The following TEKT4 variants were observed in gnomAD, a reference collection of about 807,000 sequenced individuals.
The protein encoded by TEKT4 is tektin 4.
In TEKT4, 46 loss-of-function variants were observed where a neutral mutation model predicts 46.0. That is an observed-to-expected ratio of 1.00 (90% confidence interval 0.79 to 1.28). The LOEUF is 1.28. TEKT4 is among the 50% of genes most tolerant of loss of function. The pLI, the probability that TEKT4 is intolerant of heterozygous loss-of-function variation, is 0.00. For synonymous variants in TEKT4, 325 were observed against 265.8 expected, an observed-to-expected ratio of 1.22 and a Z score of -2.17; for missense variants, 790 against 622.9, an observed-to-expected ratio of 1.27 and a Z score of -2.85.
In TEKT4 at chr2:94,875,593, G is replaced by T. The variant is rs782040551; in HGVS notation, c.942G>T (p.Leu314=). The part of the protein sequence containing the change: ...YKLHHHLHKT[L]REITDQEHNV... Reference sequence around the variant, plus strand: ...GAGAACTGTCCTGTCTGCAGACACTGCGGGAAATCACAGATCAGGAACACA... The same window carrying T: ...GAGAACTGTCCTGTCTGCAGACACTTCGGGAAATCACAGATCAGGAACACA... Residue 314 remains leucine, a synonymous_variant, in exon 5 of 6, where the codon CTG becomes CTT. Transcript: ENST00000295201. 6.2e-7 allele frequency: 1 copy of T among 1,614,048 alleles called. No individual in the cohort carries two copies. Among genetic ancestry groups the T allele is most frequent in the African/African-American group, 1.3e-5 (1 of 74,942 alleles).
chr2:94,874,218 C>A (rs781839992), intron 3 of TEKT4, 110 bp downstream of exon 3: 1 of 1,243,688 alleles, frequency 8.0e-7, no homozygotes, highest in Non-Finnish European at 1.1e-6. Flanking sequence ...GCCCTCGCCC[C>A]CGAGGGCACT....
At chr2:94,875,225 G>A (rs1203688036) in intron 4 of TEKT4, among the ~76,000 whole-genome samples, 3 of 152,180 alleles carry the variant, frequency 2.0e-5, no homozygotes, top group South Asian at 2.1e-4. Context: ...GTGGTCTGGG[G>A]AACACTGACC....
chr2:94,875,436 C>T (rs562498837), intron 4 of TEKT4, 152 bp from the exon 5 acceptor site: 29 of 1,192,662 alleles, frequency 2.4e-5, no homozygotes, highest in Non-Finnish European at 3.1e-5. Context: ...GCCCCGTGCA[C>T]ATTGTTCCCC....
Position 94,872,769 on chromosome 2 carries a change from C to T in TEKT4, c.498+692C>T, listed in dbSNP as rs1253571988. The stretch of plus-strand genomic sequence containing the variant: ...AAGCTCAGGCAAGAACCCTTGAGTC[C>T]CTCCCTCCCCTCATGCCTTCCCTCC... On this transcript the variant is annotated intron_variant, in intron 1 of 5. Transcript: ENST00000295201. The T allele has an allele frequency of 4.8e-6, 6 of 1,244,842 alleles. No individual in the cohort carries two copies. In the African/African-American group the frequency reaches 7.7e-5, roughly 16 times the overall value. The allele number at this position is 1,244,842 out of a possible 1,614,324, so 77.1% of individuals were successfully genotyped here.
chr2:94,873,741 G>C, intron 2 of TEKT4, 151 bp downstream of exon 2: 1 of 1,266,966 alleles, frequency 7.9e-7, no homozygotes, highest in Non-Finnish European at 1.1e-6. Flanking sequence ...GGAGGTTCCG[G>C]CGCAGCCTGA....
chr2:94,875,029 C>T, intron 4 of TEKT4, 31 bp downstream of exon 4: 1 of 1,548,820 alleles, frequency 6.5e-7, no homozygotes, highest in Non-Finnish European at 8.7e-7. Flanking sequence ...AAGACGGCCC[C>T]CTCTCATCAC....
chr2:94,871,774 G>C lies in TEKT4; in HGVS notation c.195G>C (p.Gln65His). Reference sequence around the variant, plus strand: ...CCGACCGCGACCAGTCGGAGCGGCAGCGGCACGAGAGCCAGCAGCTGGCCA... The same window carrying C: ...CCGACCGCGACCAGTCGGAGCGGCACCGGCACGAGAGCCAGCAGCTGGCCA... ...AFADRDQSER[Q>H]RHESQQLATE... Residue 65 changes from glutamine to histidine, a missense_variant, in exon 1 of 6, where the codon CAG (glutamine) becomes CAC (histidine). Physicochemically the swap from Gln to His is conservative, Grantham distance 24. Transcript: ENST00000295201. 6.2e-7 allele frequency: 1 copy of C among 1,612,286 alleles called. No homozygotes were observed.
chr2:94,873,703 G>A (rs1326119022), intron 2 of TEKT4, 113 bp downstream of exon 2: 3 of 1,449,910 alleles, frequency 2.1e-6, no homozygotes, highest in African/African-American at 1.4e-5. Context: ...GCTGCCCCAG[G>A]TCACAGTGGA....
At chr2:94,872,348 G>A in intron 1 of TEKT4, 1 of 557,984 alleles carries the variant, frequency 1.8e-6, no homozygotes, top group Non-Finnish European at 3.2e-6. Flanking sequence ...GGCTCCCTGG[G>A]CTAAGCCACA....
At chr2:94,874,599 G>A (rs1356428115) in intron 3 of TEKT4, among the ~76,000 whole-genome samples, 177 bp from the exon 4 acceptor site, 6 of 151,926 alleles carry the variant, frequency 3.9e-5, no homozygotes, top group African/African-American at 1.5e-4. Flanking sequence ...GTGGCCAGGG[G>A]GCACTCGGGG....
chr2:94,874,758 C>A lies in TEKT4; in HGVS notation c.714-18C>A. 1 of 1,540,744 alleles carries A rather than the reference C, an allele frequency of 6.5e-7. No individual in the cohort carries two copies. The highest frequency in any genetic ancestry group is 2.4e-5 in the East Asian group (1 of 41,682). On this transcript the variant is annotated intron_variant, in intron 3 of 5. Coordinates refer to ENST00000295201, the MANE Select transcript of TEKT4 (RefSeq NM_144705.4). ...CAGAGCCTCCCCGACCCTCTCCTGG[C>A]TGTCCCCCGCCCCGCAGCGCCTCCA... is the stretch of plus-strand genomic sequence containing the variant.
At chr2:94,873,174 C>A (rs1458998719) in intron 1 of TEKT4, 46 of 1,239,870 alleles carry the variant, frequency 3.7e-5, no homozygotes, top group Non-Finnish European at 4.5e-5. Flanking sequence ...AGTTTGGGTC[C>A]TCAGGGGCTG....
intron 4 of TEKT4, among the ~76,000 whole-genome samples, chr2:94,875,237 C>T (rs72817667): frequency 6.6e-6 from 1 of 152,156 alleles, no homozygotes; most frequent in Admixed American, 6.5e-5. Flanking sequence ...ACACTGACCG[C>T]CCGGGAGGTC....
chr2:94,871,812 C>T lies in TEKT4; in HGVS notation c.233C>T (p.Ala78Val), dbSNP rs782314314. ...ESQQLATETQ[A>V]LAQRTQQDST... is the part of the protein sequence containing the mutation. ...CAGCAGCTGGCCACAGAGACCCAGG[C>T]GCTGGCGCAGCGCACGCAGCAAGAC... is the stretch of plus-strand genomic sequence containing the variant. Residue 78 changes from alanine (A) to valine (V), a missense_variant, in exon 1 of 6, where the codon GCG (alanine) becomes GTG (valine). By Grantham distance (64) the Ala-to-Val change is moderately conservative. Transcript: ENST00000295201. The T allele has an allele frequency of 1.9e-5, 30 of 1,609,180 alleles. No individual in the cohort carries two copies. The highest frequency in any genetic ancestry group is 5.0e-5 in the Admixed American group (3 of 59,806).
chr2:94,876,159 C>T (rs782789273), intron 5 of TEKT4, among the ~76,000 whole-genome samples: 5 of 152,206 alleles, frequency 3.3e-5, no homozygotes, highest in Admixed American at 6.5e-5. Context: ...ATAGATGTGC[C>T]GTCCTTTTGT....
intron 1 of TEKT4, chr2:94,872,461 G>A: frequency 2.9e-6 from 1 of 342,976 alleles, no homozygotes; most frequent in Non-Finnish European, 5.5e-6. Flanking sequence ...GGTGGGGTGG[G>A]CTGGGAGCCA....
chr2:94,871,493 G>A lies in TEKT4; in HGVS notation c.-87G>A. On this transcript the variant is annotated 5_prime_UTR_variant, in exon 1 of 6. Transcript: ENST00000295201. ...CCTGCTCTGGGACTGAGCCGTTGGA[G>A]CTGCCCCGCTGACCGCACTAGGCTG... 1.4e-6 allele frequency: 2 copies of A among 1,442,926 alleles called. No individual in the cohort carries two copies. Among genetic ancestry groups the A allele is most frequent in the Non-Finnish European group, 1.8e-6 (2 of 1,096,638 alleles). 89.4% of individuals were successfully genotyped at this position (1,442,926 alleles called of 1,614,324 possible).
rs111512033 is a variant in TEKT4 at position 94,874,809 on chromosome 2, G to A, written c.747G>A (p.Thr249=). 1.1e-4 allele frequency: 176 copies of A among 1,599,006 alleles called. No individual in the cohort carries two copies. The highest frequency in any genetic ancestry group is 2.2e-4 in the Admixed American group (13 of 58,442). Residue 249 remains threonine (T), a synonymous_variant, in exon 4 of 6, where the codon ACG becomes ACA. Coordinates refer to ENST00000295201, the MANE Select transcript of TEKT4 (RefSeq NM_144705.4). ...ASTPETRAKF[T]QDNLCRAQRE... ...CCCCGGAGACCCGGGCCAAGTTCAC[G>A]CAGGACAATCTGTGCCGTGCCCAGC...
chr2:94,871,872 C>T lies in TEKT4; in HGVS notation c.293C>T (p.Thr98Met), dbSNP rs1450509350. 1.2e-6 allele frequency: 2 copies of T among 1,600,312 alleles called. No homozygotes were observed. Among genetic ancestry groups the T allele is most frequent in the Non-Finnish European group, 1.7e-6 (2 of 1,176,034 alleles). Residue 98 changes from threonine (T) to methionine (M), a missense_variant, in exon 1 of 6, where the codon ACG becomes ATG. Transcript: ENST00000295201. Reference protein sequence around the residue: ...TRTVGERLQDTHSWKSELQRE... With the variant: ...TRTVGERLQDMHSWKSELQRE... ...ACAGTGGGCGAGCGACTGCAGGACA[C>T]GCACAGCTGGAAGTCGGAGCTGCAG...
Sources: gnomAD v4.1 joint callset for allele counts (sites outside exome capture counted in the v4.1 genomes callset) on GRCh38, gnomAD v4.1.1 for gene constraint, MANE v1.5 for transcripts, NCBI Gene and HGNC (gene_info 2026-07-23, HGNC 2026-07-21) for gene names.